Variants in PSD4 observed in about 807,000 individuals in gnomAD.
PSD4 encodes the protein pleckstrin and Sec7 domain containing 4.
In PSD4, 59 loss-of-function variants were observed where a neutral mutation model predicts 112.5. The ratio of observed to expected loss-of-function variants is 0.52; its 90% confidence interval spans 0.43 to 0.65. The LOEUF is 0.65. Among genes scored for constraint, PSD4 ranks in the 30% least tolerant of loss-of-function variants. PSD4 has a pLI of 0.00. For synonymous variants in PSD4, 533 were observed against 540.0 expected (o/e 0.99, Z 0.18); for missense variants, 1,267 against 1,352.6 (o/e 0.94, Z 0.99).
intron 1 of PSD4, among the ~76,000 whole-genome samples, chr2:113,180,596 G>A (rs1048453475): frequency 2.0e-5 from 3 of 152,092 alleles, no homozygotes; most frequent in African/African-American, 7.2e-5. Context: ...TCTGGGGTCG[G>A]AGTCCGGCCC....
intron 2 of PSD4, among the ~76,000 whole-genome samples, chr2:113,184,703 G>A (rs867435390): frequency 2.6e-5 from 4 of 152,202 alleles, no homozygotes; most frequent in African/African-American, 9.6e-5. Flanking sequence ...ACTTCTCAGA[G>A]GGAAGCCTGG....
chr2:113,182,194 A>G (rs1319202191), intron 1 of PSD4, among the ~76,000 whole-genome samples, 152 bp from the exon 2 acceptor site: 1 of 152,074 alleles, frequency 6.6e-6, no homozygotes, highest in Non-Finnish European at 1.5e-5. Context: ...TATGTGGTAC[A>G]CTCCTTACTC....
In PSD4 at chr2:113,192,607, TG is replaced by T; in HGVS notation, c.1838+22del. 1.9e-6 allele frequency: 3 copies of T among 1,611,782 alleles called. No individual in the cohort carries two copies. Among genetic ancestry groups the T allele is most frequent in the Non-Finnish European group, 2.5e-6 (3 of 1,178,428 alleles). The stretch of plus-strand genomic sequence containing the variant: ...CAGAAGAAGTAAGGGGCTTTGAGCC[TG>T]GGGAAGGCTGGAGGCTGAGGCAGCC... On this transcript the variant is annotated intron_variant, in intron 6 of 16. Coordinates refer to ENST00000245796, the MANE Select transcript of PSD4 (RefSeq NM_012455.3).
At chr2:113,189,056 C>T (rs1345342142) in intron 5 of PSD4, among the ~76,000 whole-genome samples, 9 of 152,084 alleles carry the variant, frequency 5.9e-5, no homozygotes, top group Admixed American at 3.3e-4. Context: ...ATCCTTTAAC[C>T]GCCTTTCACC....
At chr2:113,199,037 G>A (rs761369668) in intron 15 of PSD4, 46 bp from the exon 16 acceptor site, 2 of 1,513,352 alleles carry the variant, frequency 1.3e-6, no homozygotes, top group South Asian at 2.5e-5. Flanking sequence ...GGAAAGCGGC[G>A]GAGGGGACGC....
At chr2:113,180,479 G>A (rs1688098606) in intron 1 of PSD4, among the ~76,000 whole-genome samples, 1 of 152,204 alleles carries the variant, frequency 6.6e-6, no homozygotes, top group African/African-American at 2.4e-5. Context: ...GCCTGTGGGA[G>A]GATCTCAGTG....
rs1226281091 is a variant in PSD4 at position 113,186,604 on chromosome 2, G to A, written c.1628+349G>A. Among the ~76,000 whole-genome samples the A allele has an allele frequency of 2.0e-5, 3 of 152,328 alleles. No individual in the cohort carries two copies. In the South Asian group the frequency reaches 6.2e-4, roughly 32 times the overall value. On this transcript the variant is annotated intron_variant, in intron 5 of 16. Transcript: ENST00000245796. ...GCCTGCCCAGAAAAACGGGAGCCAT[G>A]CTGGCAGGCCAGGGAAGTGCAAGGT...
In PSD4 at chr2:113,199,225, A is replaced by C. The variant is rs1451150139; in HGVS notation, c.2912A>C (p.Glu971Ala). Residue 971 changes from glutamate (E) to alanine (A), a missense_variant and splice_region_variant, in exon 16 of 17, where the codon GAG becomes GCG. Glu to Ala is a moderately radical substitution (Grantham distance 107). Around this residue, in one of 2 missense-constraint regions of PSD4, gnomAD observed 544 missense variants for 648.6 expected, o/e 0.84. Coordinates refer to ENST00000245796, the MANE Select transcript of PSD4 (RefSeq NM_012455.3). ...CTGCGGAAGGAGTACCTGGAGTACGAGGTGAGCGGCCGAGCCCACCTCCCC... is the reference window on the plus strand; with the variant it reads ...CTGCGGAAGGAGTACCTGGAGTACGCGGTGAGCGGCCGAGCCCACCTCCCC... ...HRLRKEYLEYEKTRYETYVQL... is the reference protein window; with the variant it reads ...HRLRKEYLEYAKTRYETYVQL... 6 of 1,493,102 alleles carry C rather than the reference A, an allele frequency of 4.0e-6. No homozygotes were observed. Among genetic ancestry groups the C allele is most frequent in the Non-Finnish European group, 5.3e-6 (6 of 1,126,854 alleles). The allele number at this position is 1,493,102 out of a possible 1,614,324, so 92.5% of individuals were successfully genotyped here.
chr2:113,189,164 C>T (rs940843096), intron 5 of PSD4, among the ~76,000 whole-genome samples: 6 of 152,060 alleles, frequency 3.9e-5, no homozygotes, highest in East Asian at 3.9e-4. Flanking sequence ...AGGATGTTTG[C>T]GTTTCCATTC....
chr2:113,179,228 G>T (rs1381764412), intron 1 of PSD4, among the ~76,000 whole-genome samples: 1 of 152,170 alleles, frequency 6.6e-6, no homozygotes, highest in Admixed American at 6.5e-5. Context: ...ACCGTCTCAG[G>T]CCTCTTGCCC....
chr2:113,198,038 A>C lies in PSD4; in HGVS notation c.2624+125A>C. On this transcript the variant is annotated intron_variant, in intron 14 of 16. Coordinates refer to ENST00000245796, the MANE Select transcript of PSD4 (RefSeq NM_012455.3). The stretch of plus-strand genomic sequence containing the variant: ...TCCTGGTGGGAATGGCCGTATGATC[A>C]GAAATTCTTAGAAAGCGGCAGCAGG... The C allele has an allele frequency of 2.6e-6, 3 of 1,149,250 alleles. No homozygotes were observed. In the South Asian group the frequency reaches 5.6e-5, roughly 21 times the overall value. The allele number at this position is 1,149,250 out of a possible 1,614,324, so 71.2% of individuals were successfully genotyped here.
Position 113,208,093 on chromosome 2 carries a change from G to C in PSD4, c.*6678G>C, listed in dbSNP as rs1027573869. 6.6e-6 allele frequency: 1 copy of C among 151,248 alleles called. No individual in the cohort carries two copies. Among genetic ancestry groups the C allele is most frequent in the African/African-American group, 2.4e-5 (1 of 41,092 alleles). 9.4% of individuals were successfully genotyped at this position (151,248 alleles called of 1,614,324 possible). A position where few individuals can be genotyped will look rare whatever the true frequency, so the allele number is the denominator to read the frequency against. The stretch of plus-strand genomic sequence containing the variant: ...AGTAGAGATGGGGTTTCACCATGTT[G>C]GTCAGGCTGGTCTCAAACTCCTGAC... On this transcript the variant is annotated 3_prime_UTR_variant, in exon 17 of 17. Coordinates refer to ENST00000245796, the MANE Select transcript of PSD4 (RefSeq NM_012455.3).
rs1249929434 is a variant in PSD4, at chr2:113,199,232, C to T, written c.2913+6C>T. 7.5e-6 allele frequency: 11 copies of T among 1,473,976 alleles called. No individual in the cohort carries two copies. In the African/African-American group the frequency reaches 8.9e-5, roughly 12 times the overall value. 91.3% of individuals were successfully genotyped at this position (1,473,976 alleles called of 1,614,324 possible). ...AGGAGTACCTGGAGTACGAGGTGAG[C>T]GGCCGAGCCCACCTCCCCGCCGCTG... On this transcript the variant is annotated splice_donor_region_variant and intron_variant, in intron 16 of 16. Coordinates refer to ENST00000245796, the MANE Select transcript of PSD4 (RefSeq NM_012455.3).
At chr2:113,197,681 GCCCAGAA>G in intron 13 of PSD4, 47 bp downstream of exon 13, 1 of 1,613,274 alleles carries the variant, frequency 6.2e-7, no homozygotes, top group Non-Finnish European at 8.5e-7. Flanking sequence ...ACTGAGAGAG[GCCCAGAA>G]CAGTCTGGAG....
At chr2:113,197,678 G>GGT in intron 13 of PSD4, 44 bp downstream of exon 13, 1 of 1,613,878 alleles carries the variant, frequency 6.2e-7, no homozygotes, top group Non-Finnish European at 8.5e-7. Flanking sequence ...GAGACTGAGA[G>GGT]AGGCCCAGAA....
intron 14 of PSD4, 73 bp downstream of exon 14, chr2:113,197,986 C>A: frequency 7.0e-7 from 1 of 1,425,666 alleles, no homozygotes; most frequent in Non-Finnish European, 9.3e-7. Flanking sequence ...ACCCTGCTGA[C>A]ACCTGAGGCT....
In PSD4 at chr2:113,196,331, A is replaced by G. The variant is rs185509914; in HGVS notation, c.2386+24A>G. ...GAGTGAGTGTCTGCTGCCCACAAACAGGGTGGCGTGCTGGGAGCAGCCCTG... is the reference window on the plus strand; with the variant it reads ...GAGTGAGTGTCTGCTGCCCACAAACGGGGTGGCGTGCTGGGAGCAGCCCTG... On this transcript the variant is annotated intron_variant, in intron 12 of 16. Transcript: ENST00000245796. The G allele has an allele frequency of 9.1e-5, 146 of 1,602,406 alleles. 2 individuals carry two copies. The African/African-American group carries it at 1.9e-3, about 21-fold the overall frequency.
chr2:113,185,805 C>T lies in PSD4; in HGVS notation c.1250-72C>T, dbSNP rs1240989223. ...AGGGGAGGAGCCCCAGGGAGGGAGC[C>T]TCTGGAGGTGGTGCCCAGGCCGTTC... On this transcript the variant is annotated intron_variant, in intron 4 of 16. Coordinates refer to ENST00000245796, the MANE Select transcript of PSD4 (RefSeq NM_012455.3). 8 of 1,558,014 alleles carry T rather than the reference C, an allele frequency of 5.1e-6. No individual in the cohort carries two copies. In the East Asian group the frequency reaches 1.9e-4, roughly 38 times the overall value.
rs200176920 is a variant in PSD4, at chr2:113,183,207, T to G, written c.751T>G (p.Phe251Val). The G allele has an allele frequency of 8.6e-5, 139 of 1,614,072 alleles. No individual in the cohort carries two copies. The highest frequency in any genetic ancestry group is 1.1e-4 in the Non-Finnish European group (133 of 1,180,028). The change falls in exon 2 of 17, where the codon TTC becomes GTC. Residue 251 changes from phenylalanine to valine, a missense_variant. Around this residue, in one of 2 missense-constraint regions of PSD4, gnomAD observed 723 missense variants for 704.0 expected, o/e 1.03. Coordinates refer to ENST00000245796, the MANE Select transcript of PSD4 (RefSeq NM_012455.3). ...GAGCATGTTCTTCAGCAACCCCCTC[T>G]TCCTGGCGAGTCCTTGCTCAGAGAA... Reference protein sequence around the residue: ...EESMFFSNPLFLASPCSENSA... With the variant: ...EESMFFSNPLVLASPCSENSA...
Sources: allele counts gnomAD v4.1 joint callset (sites outside exome capture counted in the v4.1 genomes callset), GRCh38; gene constraint gnomAD v4.1.1; regional missense constraint gnomAD v4.1.1; transcripts MANE v1.5; gene names NCBI Gene and HGNC (gene_info 2026-07-23, HGNC 2026-07-21).